Variants in NEO1 observed in about 807,000 individuals in gnomAD.
NEO1 encodes the protein neogenin 1.
A neutral mutation model predicts 159.7 loss-of-function variants in NEO1; 63 were observed. That is an observed-to-expected ratio of 0.39 (90% CI 0.32 to 0.49). The LOEUF is 0.49. Among genes scored for constraint, NEO1 ranks in the 20% least tolerant of loss-of-function variants. The pLI is 0.85. For missense variants in NEO1, 1,615 were observed against 1,831.0 expected (o/e 0.88, Z 2.15); for synonymous variants, 633 against 662.0 (o/e 0.96, Z 0.67).
intron 15 of NEO1, among the ~76,000 whole-genome samples, chr15:73,265,129 G>A (rs1017502335): frequency 2.0e-5 from 3 of 152,180 alleles, no homozygotes; most frequent in African/African-American, 7.2e-5. Context: ...GAACTGATAA[G>A]TGGCCGGTAA....
intron 1 of NEO1, among the ~76,000 whole-genome samples, chr15:73,059,243 G>A (rs114732036): frequency 0.01 from 1,560 of 152,228 alleles, 35 homozygotes; most frequent in African/African-American, 0.036. Flanking sequence ...ATAAAGAAAA[G>A]GCAGAGAGGT....
At chr15:73,284,733 C>G (rs1289400609) in intron 23 of NEO1, among the ~76,000 whole-genome samples, 2 of 151,148 alleles carry the variant, frequency 1.3e-5, no homozygotes, top group Non-Finnish European at 3.0e-5. Flanking sequence ...TTACAGGCAC[C>G]CACCACCATG....
intron 7 of NEO1, among the ~76,000 whole-genome samples, chr15:73,206,833 G>C (rs1567480039): frequency 5.1e-5 from 2 of 39,182 alleles, no homozygotes; most frequent in African/African-American, 8.5e-5. Context: ...GTGTGTGTGT[G>C]TATGTGTGTG....
intron 11 of NEO1, among the ~76,000 whole-genome samples, chr15:73,252,477 C>T (rs2040127107): frequency 6.6e-6 from 1 of 152,156 alleles, no homozygotes; most frequent in Non-Finnish European, 1.5e-5. Context: ...CTGGTTGCCT[C>T]AGGAAACCAG....
At chr15:73,281,477 G>A (rs1446742492) in intron 22 of NEO1, among the ~76,000 whole-genome samples, 1 of 151,964 alleles carries the variant, frequency 6.6e-6, no homozygotes, top group Non-Finnish European at 1.5e-5. Context: ...GGATGGTCTC[G>A]ATCTCCTGAC....
chr15:73,286,421 C>CCTGT (rs1567698426), intron 23 of NEO1, among the ~76,000 whole-genome samples: 1 of 152,102 alleles, frequency 6.6e-6, no homozygotes, highest in Admixed American at 6.6e-5. Context: ...CATAGGTCCT[C>CCTGT]CTGTCTACCT....
rs891969877 is a variant in NEO1 at position 73,233,482 on chromosome 15, A to G, written c.1292-2865A>G. On this transcript the variant is annotated intron_variant, in intron 7 of 28. Transcript: ENST00000261908. ...TCATGTTCTCCCTGAATTTCCTTCC[A>G]TTTATTAATTCAATAAATGTACACT... 3.9e-5 allele frequency among the ~76,000 whole-genome samples: 6 copies of G among 152,302 alleles called. No individual in the cohort carries two copies. In the East Asian group the frequency reaches 9.6e-4, roughly 24 times the overall value.
chr15:73,103,094 C>CT (rs2070490232), intron 1 of NEO1, among the ~76,000 whole-genome samples: 1 of 151,990 alleles, frequency 6.6e-6, no homozygotes, highest in Non-Finnish European at 1.5e-5. Context: ...TTTTCTGTCA[C>CT]TATTGCTGCT....
At chr15:73,067,776 C>T (rs1184323865) in intron 1 of NEO1, among the ~76,000 whole-genome samples, 2 of 151,988 alleles carry the variant, frequency 1.3e-5, no homozygotes, top group Non-Finnish European at 2.9e-5. Flanking sequence ...GCCACCATGC[C>T]CGGCTAATTT....
chr15:73,226,144 T>A (rs953695429), intron 7 of NEO1, among the ~76,000 whole-genome samples: 1 of 152,168 alleles, frequency 6.6e-6, no homozygotes, highest in Admixed American at 6.5e-5. Context: ...ACTCACAGTA[T>A]TTGGGGTGTC....
At chr15:73,269,035 C>T (rs1248550560) in intron 16 of NEO1, among the ~76,000 whole-genome samples, 2 of 152,172 alleles carry the variant, frequency 1.3e-5, no homozygotes, top group African/African-American at 4.8e-5. Context: ...GCTTACCTTT[C>T]CTGAAGGAAG....
At chr15:73,144,871 A>G (rs1363860042) in intron 5 of NEO1, among the ~76,000 whole-genome samples, 3 of 152,104 alleles carry the variant, frequency 2.0e-5, no homozygotes, top group South Asian at 2.1e-4. Context: ...GATTATTTCA[A>G]TCTTTTTATT....
At chr15:73,062,769 C>G (rs898032510) in intron 1 of NEO1, among the ~76,000 whole-genome samples, 5 of 152,184 alleles carry the variant, frequency 3.3e-5, no homozygotes, top group Non-Finnish European at 7.3e-5. Context: ...GCAGAAGAAA[C>G]AAGTTTGGGA....
At chr15:73,210,536 A>T (rs1395789230) in intron 7 of NEO1, among the ~76,000 whole-genome samples, 1 of 152,244 alleles carries the variant, frequency 6.6e-6, no homozygotes, top group Non-Finnish European at 1.5e-5. Flanking sequence ...CTGAGTGTTG[A>T]ATGCATAACT....
At chr15:73,101,649 C>G (rs76678620) in intron 1 of NEO1, among the ~76,000 whole-genome samples, 139 of 152,290 alleles carry the variant, frequency 9.1e-4, no homozygotes, top group Admixed American at 2.9e-3. Context: ...TCTCAAGGGT[C>G]ATAGTCCTGT....
intron 4 of NEO1, among the ~76,000 whole-genome samples, chr15:73,130,415 C>T (rs2030956707): frequency 6.6e-6 from 1 of 151,808 alleles, no homozygotes; most frequent in South Asian, 2.1e-4. Context: ...CTACTAGGCA[C>T]AAACAAAAAA....
chr15:73,241,111 TG>T (rs551050386), intron 8 of NEO1, among the ~76,000 whole-genome samples: 12 of 152,204 alleles, frequency 7.9e-5, no homozygotes, highest in Non-Finnish European at 1.3e-4. Flanking sequence ...GTAATTCTTA[TG>T]GGTACCTGAG....
intron 22 of NEO1, among the ~76,000 whole-genome samples, chr15:73,280,235 G>A (rs565037082): frequency 9.9e-5 from 15 of 151,388 alleles, no homozygotes; most frequent in African/African-American, 2.9e-4. Context: ...GCAGTGAGCC[G>A]AGGTCACACC....
At chr15:73,081,819 A>G (rs2069063476) in intron 1 of NEO1, among the ~76,000 whole-genome samples, 1 of 150,646 alleles carries the variant, frequency 6.6e-6, no homozygotes, top group African/African-American at 2.4e-5. Context: ...AGCCTCCCAA[A>G]GTGCTGGCAT....
Sources: allele counts gnomAD v4.1 joint callset (sites outside exome capture counted in the v4.1 genomes callset), GRCh38; gene constraint gnomAD v4.1.1; transcripts MANE v1.5; gene names NCBI Gene and HGNC (gene_info 2026-07-23, HGNC 2026-07-21).